RPS6KA1: variants seen among roughly 807,000 people sequenced by gnomAD.
The protein encoded by RPS6KA1 is ribosomal protein S6 kinase alpha-1.
In RPS6KA1, 48 loss-of-function variants were observed where a neutral mutation model predicts 91.3. That is an observed-to-expected ratio of 0.53 (90% CI 0.42 to 0.67). The LOEUF (loss-of-function observed/expected upper bound fraction) is 0.67. Ranked by LOEUF, RPS6KA1 falls within the 30% of genes least tolerant of loss-of-function variation. The pLI is 0.00. For missense variants in RPS6KA1, 719 were observed against 960.5 expected, an observed-to-expected ratio of 0.75 and a Z score of 3.32; for synonymous variants, 359 against 384.7, an observed-to-expected ratio of 0.93 and a Z score of 0.78.
chr1:26,556,056 T>A (rs1233635920), intron 11 of RPS6KA1: 6 of 228,800 alleles, frequency 2.6e-5, no homozygotes, highest in Non-Finnish European at 5.3e-5. Flanking sequence ...GGCAGGTGAC[T>A]TCACCTCTCT....
Position 26,551,538 on chromosome 1 carries a change from C to T in RPS6KA1, c.388+61C>T. 6.2e-7 allele frequency: 1 copy of T among 1,603,038 alleles called. No individual in the cohort carries two copies. On this transcript the variant is annotated intron_variant, in intron 5 of 21. Coordinates refer to ENST00000374168, the MANE Select transcript of RPS6KA1 (RefSeq NM_002953.4). The surrounding 1 kb of genome is among the most constrained non-coding windows in gnomAD (Gnocchi z 4.5). The stretch of plus-strand genomic sequence containing the variant: ...CCCATCCTTCGCCCTTGCCTGTGGT[C>T]TGTACACTGTCCCACCGCCTGCCTG...
chr1:26,546,779 G>A lies in RPS6KA1; in HGVS notation c.109-88G>A, dbSNP rs2075998294. The stretch of plus-strand genomic sequence containing the variant: ...ATTGGGCCTTTAGGTTCCATCTGCT[G>A]TGGTCTGGTGGGAATGGACTTGGGC... On this transcript the variant is annotated intron_variant, in intron 2 of 21. Transcript: ENST00000374168. 43 of 944,476 alleles carry A rather than the reference G, an allele frequency of 4.6e-5. No individual in the cohort carries two copies. In the South Asian group the frequency reaches 5.7e-4, roughly 12 times the overall value. The allele number at this position is 944,476 out of a possible 1,614,324, so 58.5% of individuals were successfully genotyped here. A position where few individuals can be genotyped will look rare whatever the true frequency, so the allele number is the denominator to read the frequency against.
intron 11 of RPS6KA1, chr1:26,556,254 C>A (rs866762902): frequency 7.2e-5 from 17 of 237,064 alleles, no homozygotes; most frequent in Non-Finnish European, 1.4e-4. Flanking sequence ...CCCCTGGGGT[C>A]GAATGGAGTA....
At chr1:26,533,429 C>T (rs1348246680) in intron 1 of RPS6KA1, among the ~76,000 whole-genome samples, 2 of 152,084 alleles carry the variant, frequency 1.3e-5, no homozygotes, top group Admixed American at 6.5e-5. Context: ...TATGAGGCCA[C>T]GCGTGGTGGC....
intron 1 of RPS6KA1, among the ~76,000 whole-genome samples, chr1:26,535,962 C>G (rs2124613821): frequency 6.6e-6 from 1 of 151,984 alleles, no homozygotes. Flanking sequence ...ACCAGCCTGG[C>G]CAACGTGGTG....
chr1:26,530,767 A>C, intron 1 of RPS6KA1: 1 of 1,287,750 alleles, frequency 7.8e-7, no homozygotes, highest in Non-Finnish European at 1.0e-6. Flanking sequence ...ACCTCCCTTG[A>C]GGGCTCTGTG....
intron 17 of RPS6KA1, among the ~76,000 whole-genome samples, chr1:26,567,224 C>T (rs2124666737): frequency 6.6e-6 from 1 of 152,002 alleles, no homozygotes; most frequent in Non-Finnish European, 1.5e-5. Context: ...CAGGGTCTTA[C>T]CATGTTGCCC....
In RPS6KA1 at chr1:26,562,185, C is replaced by G. The variant is rs577996680; in HGVS notation, c.1590+522C>G. Among the ~76,000 whole-genome samples, 258 of 152,296 alleles carry G rather than the reference C, an allele frequency of 1.7e-3. 1 individual carries two copies. Among genetic ancestry groups the G allele is most frequent in the South Asian group, 0.014 (68 of 4,814 alleles). On this transcript the variant is annotated intron_variant, in intron 17 of 21. Transcript: ENST00000374168. ...CACCATTGCACTACAGCCTGGGCAA[C>G]AGAGCGAAACTCCATCTAATAAATA...
At chr1:26,549,430 C>T (rs529915442) in intron 4 of RPS6KA1, among the ~76,000 whole-genome samples, 2 of 151,734 alleles carry the variant, frequency 1.3e-5, no homozygotes, top group African/African-American at 4.8e-5. Context: ...AAAAATGAGC[C>T]AGGTTTGGTG....
At chr1:26,537,351 G>A (rs777215902) in intron 2 of RPS6KA1, among the ~76,000 whole-genome samples, 7 of 152,228 alleles carry the variant, frequency 4.6e-5, no homozygotes, top group Non-Finnish European at 8.8e-5. Context: ...GAGCCTGGAA[G>A]TGAGCATCTG....
In RPS6KA1 at chr1:26,558,987, C is replaced by G; in HGVS notation, c.1215+50C>G. Reference sequence around the variant, plus strand: ...TCCATTATCCTTTTCTAAAGAATGGCTGAGTACACAGGCTCTGAGTTGGAC... The same window carrying G: ...TCCATTATCCTTTTCTAAAGAATGGGTGAGTACACAGGCTCTGAGTTGGAC... On this transcript the variant is annotated intron_variant, in intron 14 of 21. Coordinates refer to ENST00000374168, the MANE Select transcript of RPS6KA1 (RefSeq NM_002953.4). The surrounding 1 kb of genome is among the most constrained non-coding windows in gnomAD (Gnocchi z 4.0). 6.3e-7 allele frequency: 1 copy of G among 1,582,536 alleles called. No individual in the cohort carries two copies. The highest frequency in any genetic ancestry group is 8.6e-7 in the Non-Finnish European group (1 of 1,157,122).
intron 17 of RPS6KA1, among the ~76,000 whole-genome samples, chr1:26,570,733 C>A (rs2076241702): frequency 6.6e-6 from 1 of 152,194 alleles, no homozygotes; most frequent in South Asian, 2.1e-4. Flanking sequence ...AGCTTACATG[C>A]CGGTGGGCAG....
Position 26,558,323 on chromosome 1 carries a change from G to A in RPS6KA1, c.1085-484G>A, listed in dbSNP as rs2076123783. Among the ~76,000 whole-genome samples, 1 of 152,226 alleles carries A rather than the reference G, an allele frequency of 6.6e-6. No homozygotes were observed. On this transcript the variant is annotated intron_variant, in intron 13 of 21. Coordinates refer to ENST00000374168, the MANE Select transcript of RPS6KA1 (RefSeq NM_002953.4). The surrounding 1 kb of genome is among the most constrained non-coding windows in gnomAD (Gnocchi z 4.0). ...AGAGACCCCTCTAAGGATCTGAGAA[G>A]TCCAACATGGCTCAGCTGTGGTATG...
Position 26,529,968 on chromosome 1 carries a change from G to A in RPS6KA1, c.48G>A (p.Val16=). ...LKEPWPLMEL[V]PLDPENGQTS... is the part of the protein sequence containing the mutation. ...AGCCCTGGCCGCTCATGGAGCTAGT[G>A]CCTCTGGACCCGGAGGTGAGTGAGC... The change falls in exon 1 of 22, where the codon GTG becomes GTA. Residue 16 remains valine, a synonymous_variant. Coordinates refer to ENST00000374168, the MANE Select transcript of RPS6KA1 (RefSeq NM_002953.4). The surrounding 1 kb of genome is among the most constrained non-coding windows in gnomAD (Gnocchi z 4.2). 1 of 1,429,254 alleles carries A rather than the reference G, an allele frequency of 7.0e-7. No individual in the cohort carries two copies. Among genetic ancestry groups the A allele is most frequent in the Non-Finnish European group, 9.2e-7 (1 of 1,092,070 alleles). The allele number at this position is 1,429,254 out of a possible 1,614,324, so 88.5% of individuals were successfully genotyped here. A position where few individuals can be genotyped will look rare whatever the true frequency, so the allele number is the denominator to read the frequency against.
In RPS6KA1 at chr1:26,554,256, G is replaced by A; in HGVS notation, c.613+5G>A. ...AGGGCCACATCAAACTCACTGGTGA[G>A]TGGAGGGCGCCTGCCCCCTCGGGAC... On this transcript the variant is annotated splice_donor_5th_base_variant and intron_variant, in intron 8 of 21. Transcript: ENST00000374168. This position sits in a 1 kb window ranked among gnomAD's most constrained non-coding sequence, Gnocchi z 4.6. 1.3e-6 allele frequency: 2 copies of A among 1,557,422 alleles called. No homozygotes were observed. The highest frequency in any genetic ancestry group is 1.2e-5 in the South Asian group (1 of 84,442).
intron 6 of RPS6KA1, among the ~76,000 whole-genome samples, chr1:26,552,097 A>G (rs2076055593): frequency 1.3e-5 from 2 of 152,138 alleles, no homozygotes; most frequent in Non-Finnish European, 1.5e-5. Flanking sequence ...AACCAATATA[A>G]AAGGATTTGA....
At chr1:26,530,975 G>A in intron 1 of RPS6KA1, 8 of 1,058,372 alleles carry the variant, frequency 7.6e-6, no homozygotes, top group South Asian at 3.9e-5. Flanking sequence ...GAGCCCAGGA[G>A]CTGAGATGAC....
At chr1:26,573,853 G>T (rs140688725) in intron 21 of RPS6KA1, among the ~76,000 whole-genome samples, 5 of 151,880 alleles carry the variant, frequency 3.3e-5, no homozygotes, top group South Asian at 2.1e-4. Context: ...CAGGAGAATC[G>T]CTTGAACCCT....
chr1:26,559,819 C>T (rs948559908), intron 14 of RPS6KA1, among the ~76,000 whole-genome samples: 1 of 152,078 alleles, frequency 6.6e-6, no homozygotes, highest in African/African-American at 2.4e-5. Context: ...GGGCTGGGCA[C>T]GGTGGCTCAT....
Sources: allele counts gnomAD v4.1 joint callset (sites outside exome capture counted in the v4.1 genomes callset), GRCh38; gene constraint gnomAD v4.1.1; non-coding constraint Gnocchi (gnomAD v3.1); transcripts MANE v1.5; gene names NCBI Gene and HGNC (gene_info 2026-07-23, HGNC 2026-07-21).